The following CIB3 variants were observed in gnomAD, a reference collection of about 807,000 sequenced individuals.
CIB3 encodes the protein calcium and integrin binding family member 3, also known as calcium and integrin-binding family member 3.
In CIB3, 22 loss-of-function variants were observed where a neutral mutation model predicts 23.4. That is an observed-to-expected ratio of 0.94 (90% CI 0.67 to 1.34). CIB3 has a LOEUF of 1.34. Among genes scored for constraint, CIB3 ranks in the 40% most tolerant of loss-of-function variants. CIB3 has a pLI of 0.00. For missense variants in CIB3, 258 were observed against 247.3 expected (o/e 1.04, Z -0.29); for synonymous variants, 93 against 95.8 (o/e 0.97, Z 0.17).
rs200570024 is a variant in CIB3 at position 16,164,868 on chromosome 19, G to A, written c.392C>T (p.Thr131Met). The A allele has an allele frequency of 8.7e-6, 14 of 1,613,956 alleles. No individual in the cohort carries two copies. The African/African-American group carries it at 1.3e-4, about 15-fold the overall frequency. ...CCCCCCCCGCGTCAGTTTGGTCACC[G>A]TCTGCTCCAGGTCCCACGCACAAAT... ...DYICAWDLEQ[T>M]VTKLTRGGLS... Residue 131 changes from threonine to methionine, a missense_variant, in exon 5 of 6, where the codon ACG becomes ATG. Coordinates refer to ENST00000269878, the MANE Select transcript of CIB3 (RefSeq NM_054113.4).
intron 4 of CIB3, among the ~76,000 whole-genome samples, chr19:16,166,342 A>G (rs569314497): frequency 1.4e-3 from 220 of 152,196 alleles, no homozygotes; most frequent in Non-Finnish European, 2.3e-3. Context: ...ACTATGTGCC[A>G]AACACTGTGA....
intron 5 of CIB3, among the ~76,000 whole-genome samples, chr19:16,163,127 G>T (rs554088910): frequency 7.2e-5 from 11 of 152,008 alleles, no homozygotes; most frequent in African/African-American, 2.7e-4. Context: ...GTGAGCCACT[G>T]CGCTCGGCCC....
intron 4 of CIB3, among the ~76,000 whole-genome samples, chr19:16,167,532 G>T (rs2091310746): frequency 6.6e-6 from 1 of 151,940 alleles, no homozygotes; most frequent in African/African-American, 2.4e-5. Context: ...GACTTCAAGG[G>T]TAAGAAGGAG....
chr19:16,170,860 C>T (rs1033706343), intron 2 of CIB3, among the ~76,000 whole-genome samples: 51 of 149,826 alleles, frequency 3.4e-4, no homozygotes, highest in Middle Eastern at 3.7e-3. Flanking sequence ...AGAAAGAGGC[C>T]GGGCGCGGTG....
intron 5 of CIB3, 49 bp downstream of exon 5, chr19:16,164,668 AG>A: frequency 6.6e-7 from 1 of 1,515,662 alleles, no homozygotes; most frequent in Non-Finnish European, 9.1e-7. Flanking sequence ...TCTGCGTAAG[AG>A]CCCCTTCAGA....
chr19:16,169,777 A>G, intron 2 of CIB3, 36 bp from the exon 3 acceptor site: 1 of 1,540,660 alleles, frequency 6.5e-7, no homozygotes, highest in Non-Finnish European at 8.8e-7. Context: ...AAAGACTGGG[A>G]GCAGGGAGCA....
Position 16,168,161 on chromosome 19 carries a change from C to T in CIB3, c.322G>A (p.Ala108Thr). The change falls in exon 4 of 6, where the codon GCT becomes ACT. Residue 108 changes from alanine (A) to threonine (T), a missense_variant. Physicochemically the swap from Ala to Thr is moderately conservative, Grantham distance 58. Transcript: ENST00000269878. The part of the protein sequence containing the change: ...MSEMAPRDLK[A>T]YYAFKIYDFN... Reference sequence around the variant, plus strand: ...CCATAAATTTTAAAAGCATAGTAAGCCTTGAGGTCGCGGGGAGCCATTTCA... The same window carrying T: ...CCATAAATTTTAAAAGCATAGTAAGTCTTGAGGTCGCGGGGAGCCATTTCA... 1.2e-6 allele frequency: 2 copies of T among 1,610,600 alleles called. No homozygotes were observed. The highest frequency in any genetic ancestry group is 1.1e-5 in the South Asian group (1 of 90,164).
At chr19:16,170,841 A>G (rs1328564931) in intron 2 of CIB3, among the ~76,000 whole-genome samples, 1 of 148,772 alleles carries the variant, frequency 6.7e-6, no homozygotes, top group Non-Finnish European at 1.5e-5. Context: ...AAAAGAAAAG[A>G]AAAAAGAAAG....
At chr19:16,162,771 ATAAAT>A (rs756398346) in intron 5 of CIB3, among the ~76,000 whole-genome samples, 3 of 152,164 alleles carry the variant, frequency 2.0e-5, no homozygotes, top group South Asian at 2.1e-4. Flanking sequence ...ATAAAATAAA[ATAAAT>A]TAATTAATTA....
At chr19:16,163,030 G>C (rs930359578) in intron 5 of CIB3, among the ~76,000 whole-genome samples, 1 of 151,236 alleles carries the variant, frequency 6.6e-6, no homozygotes, top group South Asian at 2.1e-4. Context: ...GCTGGGACTA[G>C]AGGTGTGCCC....
intron 2 of CIB3, among the ~76,000 whole-genome samples, chr19:16,172,845 G>A (rs1266283307): frequency 1.3e-5 from 2 of 151,628 alleles, no homozygotes; most frequent in African/African-American, 2.4e-5. Flanking sequence ...CTAGCTACTC[G>A]AGAGGCTGAG....
In CIB3 at chr19:16,164,886, G is replaced by T; in HGVS notation, c.374C>A (p.Ala125Glu). ...GGTCACCGTCTGCTCCAGGTCCCAC[G>T]CACAAATGTAGTCGTCGTTGTTAAA... Reference protein sequence around the residue: ...YDFNNDDYICAWDLEQTVTKL... With the variant: ...YDFNNDDYICEWDLEQTVTKL... The change falls in exon 5 of 6, where the codon GCG (alanine) becomes GAG (glutamate). Residue 125 changes from alanine to glutamate, a missense_variant. By Grantham distance (107) the Ala-to-Glu change is moderately radical. Transcript: ENST00000269878. 6.2e-7 allele frequency: 1 copy of T among 1,614,042 alleles called. No individual in the cohort carries two copies. Among genetic ancestry groups the T allele is most frequent in the Non-Finnish European group, 8.5e-7 (1 of 1,179,992 alleles).
chr19:16,169,315 T>C (rs1265981459), intron 3 of CIB3, among the ~76,000 whole-genome samples: 1 of 152,086 alleles, frequency 6.6e-6, no homozygotes. Context: ...AGCTAATTTT[T>C]GTATTTTTAG....
At chr19:16,162,943 C>T (rs1441990110) in intron 5 of CIB3, among the ~76,000 whole-genome samples, 7 of 134,878 alleles carry the variant, frequency 5.2e-5, no homozygotes, top group East Asian at 2.2e-4. Flanking sequence ...AGTACAGTGG[C>T]GCAATCGTGG....
At chr19:16,171,016 T>G (rs2091325880) in intron 2 of CIB3, among the ~76,000 whole-genome samples, 1 of 151,582 alleles carries the variant, frequency 6.6e-6, no homozygotes, top group East Asian at 1.9e-4. Flanking sequence ...TGGGCGCCTG[T>G]AGTCCCAGCT....
At chr19:16,164,033 C>A (rs892293184) in intron 5 of CIB3, among the ~76,000 whole-genome samples, 2 of 152,118 alleles carry the variant, frequency 1.3e-5, no homozygotes, top group African/African-American at 2.4e-5. Context: ...GTGCATGGCA[C>A]AATCTGAGCT....
At chr19:16,164,134 CTATT>C (rs376183483) in intron 5 of CIB3, among the ~76,000 whole-genome samples, 1 of 151,914 alleles carries the variant, frequency 6.6e-6, no homozygotes, top group Admixed American at 6.6e-5. Flanking sequence ...CCATACCTGG[CTATT>C]TATTTATTTA....
intron 5 of CIB3, among the ~76,000 whole-genome samples, chr19:16,161,803 G>T (rs181807586): frequency 6.9e-6 from 1 of 143,924 alleles, no homozygotes; most frequent in Non-Finnish European, 1.5e-5. Context: ...TCAGCCTCCC[G>T]AGTAGCTAGG....
In CIB3 at chr19:16,168,997, G is replaced by A. The variant is rs138925123; in HGVS notation, c.198+633C>T. ...CAAACCATGTGTCAAACATCCTGCTGATAAAAACCTGCATTTAGCAGCTCC... is the reference window on the plus strand; with the variant it reads ...CAAACCATGTGTCAAACATCCTGCTAATAAAAACCTGCATTTAGCAGCTCC... On this transcript the variant is annotated intron_variant, in intron 3 of 5. Transcript: ENST00000269878. 6.7e-4 allele frequency among the ~76,000 whole-genome samples: 102 copies of A among 152,278 alleles called. No individual in the cohort carries two copies. In the Middle Eastern group the frequency reaches 0.01, roughly 15 times the overall value.
Sources: gnomAD v4.1 joint callset for allele counts (sites outside exome capture counted in the v4.1 genomes callset) on GRCh38, gnomAD v4.1.1 for gene constraint, MANE v1.5 for transcripts, NCBI Gene and HGNC (gene_info 2026-07-23, HGNC 2026-07-21) for gene names.